PTN: variants seen among roughly 807,000 people sequenced by gnomAD.
The protein encoded by PTN is heparin affin regulatory protein.
PTN carries 18 observed loss-of-function variants against 24.1 expected under a neutral mutation model. The observed-to-expected ratio is 0.75, with a 90% CI of 0.52 to 1.11. The LOEUF is 1.11. Among genes scored for constraint, PTN ranks in the 50% least tolerant of loss-of-function variants. PTN has a pLI of 0.00. For missense variants in PTN, 163 were observed against 198.8 expected (o/e 0.82, Z 1.08); for synonymous variants, 78 against 68.6 (o/e 1.14, Z -0.67).
At chr7:137,342,296 C>T (rs320726) in intron 1 of PTN, among the ~76,000 whole-genome samples, 1 of 151,832 alleles carries the variant, frequency 6.6e-6, no homozygotes. Context: ...CACACACACA[C>T]GCACATGCAC....
chr7:137,276,860 G>C (rs322249), intron 1 of PTN, among the ~76,000 whole-genome samples: 124,236 of 152,022 alleles, frequency 0.82, 51,148 homozygotes, highest in East Asian at 1. Flanking sequence ...AAAAGCTGTA[G>C]CAGTTTTCTC....
chr7:137,343,321 C>T lies in PTN; in HGVS notation c.-2+118G>A, dbSNP rs1325297878. 3 of 371,900 alleles carry T rather than the reference C, an allele frequency of 8.1e-6. No individual in the cohort carries two copies. The Admixed American group carries it at 9.9e-5, about 12-fold the overall frequency. The allele number at this position is 371,900 out of a possible 1,614,324, so 23.0% of individuals were successfully genotyped here. ...GAAAGCAGTCCTATCAGCAAAGACA[C>T]CAGGCAGCCTCTCTCACCCCTACCA... On this transcript the variant is annotated intron_variant, in intron 1 of 4. Coordinates refer to ENST00000348225, the MANE Select transcript of PTN (RefSeq NM_002825.7).
rs546337553 is a variant in PTN at position 137,273,516 on chromosome 7, G to A, written c.-1-18542C>T. On this transcript the variant is annotated intron_variant, in intron 1 of 4. Transcript: ENST00000348225. ...GGCAGCAGGAAGGAGAATGAACACA[G>A]GAGGAACTACCAAATACTTATGAAA... Among the ~76,000 whole-genome samples, 37 of 152,258 alleles carry A rather than the reference G, an allele frequency of 2.4e-4. No individual in the cohort carries two copies. In the South Asian group the frequency reaches 5.8e-3, roughly 24 times the overall value.
At chr7:137,294,584 C>T (rs890507006) in intron 1 of PTN, among the ~76,000 whole-genome samples, 1 of 152,126 alleles carries the variant, frequency 6.6e-6, no homozygotes, top group Non-Finnish European at 1.5e-5. Context: ...CCAAGAGAGT[C>T]TGGCCTGTTA....
intron 4 of PTN, among the ~76,000 whole-genome samples, chr7:137,249,709 T>C (rs1808789686): frequency 1.3e-5 from 2 of 152,208 alleles, no homozygotes; most frequent in African/African-American, 4.8e-5. Context: ...TGTGGTTGTC[T>C]CTGGACAAAT....
rs1183707270 is a variant in PTN at position 137,326,970 on chromosome 7, A to AATGAATGG, written c.-2+16468_-2+16469insCCATTCAT. 3 of 152,160 alleles carry AATGAATGG rather than the reference A, an allele frequency of 2.0e-5. No homozygotes were observed. The East Asian group carries it at 5.8e-4, about 29-fold the overall frequency. 9.4% of individuals were successfully genotyped at this position (152,160 alleles called of 1,614,324 possible). On this transcript the variant is annotated intron_variant, in intron 1 of 4. Transcript: ENST00000348225. ...GAATGAATGAATGAATGAATGAATGACTATAAAAGGAAACCATAGAAAGTT... is the reference window on the plus strand; with the variant it reads ...GAATGAATGAATGAATGAATGAATGAATGAATGGCTATAAAAGGAAACCATAGAAAGTT...
chr7:137,236,104 A>C (rs534605824), intron 4 of PTN: 2 of 695,278 alleles, frequency 2.9e-6, no homozygotes, highest in Admixed American at 2.0e-5. Context: ...AAAATTAATA[A>C]AAGTCCCCAA....
At chr7:137,337,786 C>T (rs1810473404) in intron 1 of PTN, among the ~76,000 whole-genome samples, 1 of 152,056 alleles carries the variant, frequency 6.6e-6, no homozygotes, top group African/African-American at 2.4e-5. Context: ...AATGCTTGGG[C>T]TTAAACAGGA....
At chr7:137,267,832 C>G (rs1809184431) in intron 1 of PTN, among the ~76,000 whole-genome samples, 1 of 152,004 alleles carries the variant, frequency 6.6e-6, no homozygotes, top group South Asian at 2.1e-4. Flanking sequence ...AAAACCAAAA[C>G]CAAAGTATCA....
At chr7:137,246,116 C>T (rs568299075) in intron 4 of PTN, among the ~76,000 whole-genome samples, 46 of 152,278 alleles carry the variant, frequency 3.0e-4, no homozygotes, top group Admixed American at 5.9e-4. Context: ...TTCAGTGACT[C>T]ACCCAGAGCA....
chr7:137,264,972 ATTTTT>A (rs34878730), intron 1 of PTN, among the ~76,000 whole-genome samples: 1 of 124,928 alleles, frequency 8.0e-6, no homozygotes, highest in Non-Finnish European at 1.7e-5. Context: ...TCCAACTGCC[ATTTTT>A]TTTTTTTTTT....
In PTN at chr7:137,254,952, G is replaced by T. The variant is rs1305456221; in HGVS notation, c.22C>A (p.Gln8Lys). The T allele has an allele frequency of 1.3e-6, 2 of 1,568,426 alleles. No individual in the cohort carries two copies. The highest frequency in any genetic ancestry group is 1.7e-6 in the Non-Finnish European group (2 of 1,146,702). The change falls in exon 2 of 5, where the codon CAG (glutamine) becomes AAG (lysine). Residue 8 changes from glutamine (Q) to lysine (K), a missense_variant. Transcript: ENST00000348225. MQAQQYQ[Q>K]QRRKFAAAFL... is the part of the protein sequence containing the mutation. ...GCAGCTGCAAATTTTCGACGCTGCTGCTGGTACTGTTGAGCCTGCATTCTA... is the reference window on the plus strand; with the variant it reads ...GCAGCTGCAAATTTTCGACGCTGCTTCTGGTACTGTTGAGCCTGCATTCTA...
intron 1 of PTN, chr7:137,324,886 T>G (rs897688194): frequency 1.3e-5 from 2 of 152,188 alleles, no homozygotes; most frequent in South Asian, 2.1e-4. Flanking sequence ...AGTAAAATAT[T>G]ACATGGATGT....
chr7:137,315,734 C>T (rs1810061052), intron 1 of PTN, among the ~76,000 whole-genome samples: 1 of 152,074 alleles, frequency 6.6e-6, no homozygotes, highest in Admixed American at 6.5e-5. Flanking sequence ...GTCACATGGC[C>T]AGCACTCCAG....
intron 4 of PTN, among the ~76,000 whole-genome samples, chr7:137,246,941 A>G (rs867641305): frequency 6.6e-6 from 1 of 152,338 alleles, no homozygotes; most frequent in African/African-American, 2.4e-5. Flanking sequence ...TATATAAAGT[A>G]GGATAAATAA....
intron 1 of PTN, among the ~76,000 whole-genome samples, chr7:137,302,797 G>A (rs1330020978): frequency 1.3e-5 from 2 of 151,918 alleles, no homozygotes; most frequent in Admixed American, 1.3e-4. Context: ...GGAACATATA[G>A]GATGTGCCAT....
chr7:137,266,928 A>G (rs1218531456), intron 1 of PTN, among the ~76,000 whole-genome samples: 1 of 140,380 alleles, frequency 7.1e-6, no homozygotes, highest in Non-Finnish European at 1.5e-5. Flanking sequence ...GATTGAACAC[A>G]TCTGGGCCAT....
At chr7:137,253,671 A>C in intron 2 of PTN, 34 bp from the exon 3 acceptor site, 1 of 1,468,494 alleles carries the variant, frequency 6.8e-7, no homozygotes. Flanking sequence ...ATCAACATAC[A>C]GAAAACTCCT....
At chr7:137,323,183 T>G (rs1480617511) in intron 1 of PTN, among the ~76,000 whole-genome samples, 3 of 152,172 alleles carry the variant, frequency 2.0e-5, no homozygotes, top group Non-Finnish European at 2.9e-5. Context: ...ACAACAAAAG[T>G]ACATGGTTTG....
Sources: gnomAD v4.1 joint callset for allele counts (sites outside exome capture counted in the v4.1 genomes callset) on GRCh38, gnomAD v4.1.1 for gene constraint, MANE v1.5 for transcripts, NCBI Gene and HGNC (gene_info 2026-07-23, HGNC 2026-07-21) for gene names.